Variants in DCAF5 observed in about 807,000 individuals in gnomAD.
The protein encoded by DCAF5 is DDB1 and CUL4 associated factor 5, also known as DDB1- and CUL4-associated factor 5.
Under a neutral mutation model 80.7 loss-of-function variants are expected in DCAF5, and 9 were observed. The observed-to-expected ratio is 0.11, with a 90% CI of 0.07 to 0.19. The LOEUF (loss-of-function observed/expected upper bound fraction) is 0.19. Ranked by LOEUF, DCAF5 falls within the 10% of genes least tolerant of loss-of-function variation. DCAF5 has a pLI of 1.00. For synonymous variants in DCAF5, 433 were observed against 461.9 expected (o/e 0.94, Z 0.80); for missense variants, 842 against 1,205.7 (o/e 0.70, Z 4.47).
intron 5 of DCAF5, among the ~76,000 whole-genome samples, chr14:69,098,611 C>T (rs973311490): frequency 3.3e-5 from 5 of 151,672 alleles, no homozygotes; most frequent in East Asian, 3.9e-4. Context: ...TGGCCAGGCA[C>T]GGCGGCTCAC....
intron 6 of DCAF5, among the ~76,000 whole-genome samples, chr14:69,088,981 T>C (rs2039437354): frequency 3.7e-5 from 1 of 27,220 alleles, no homozygotes; most frequent in South Asian, 1.2e-3. Flanking sequence ...TAAGTCTGAC[T>C]TCTTGTGCAC....
intron 6 of DCAF5, among the ~76,000 whole-genome samples, chr14:69,077,902 A>T (rs1198854062): frequency 6.6e-6 from 1 of 152,236 alleles, no homozygotes; most frequent in Non-Finnish European, 1.5e-5. Flanking sequence ...TATAGGGATT[A>T]GGTAATCAGG....
At chr14:69,128,017 A>T (rs1033695406) in intron 1 of DCAF5, among the ~76,000 whole-genome samples, 2 of 152,156 alleles carry the variant, frequency 1.3e-5, no homozygotes, top group Non-Finnish European at 2.9e-5. Context: ...AAAGAAAAAA[A>T]TCCTTATCAA....
chr14:69,105,943 A>ATATATCTATCTATCTATCTATCTATC (rs1223858774), intron 5 of DCAF5, among the ~76,000 whole-genome samples: 1 of 74,172 alleles, frequency 1.3e-5, no homozygotes, highest in African/African-American at 3.8e-5. Flanking sequence ...ATATATATAT[A>ATATATCTATCTATCTATCTATCTATC]TATCTCCTAT....
rs184975033 is a variant in DCAF5 at position 69,084,447 on chromosome 14, G to A, written c.879+7227C>T. On this transcript the variant is annotated intron_variant, in intron 6 of 8. Transcript: ENST00000341516. ...CAAATTATTAAACTTTTGCCAACAC[G>A]TAGACAGACGATGCTCTTTTCTGCC... 228 of 839,988 alleles carry A rather than the reference G, an allele frequency of 2.7e-4. 3 individuals are homozygous for A. The Admixed American group carries it at 3.8e-3, about 14-fold the overall frequency. The allele number at this position is 839,988 out of a possible 1,614,324, so 52.0% of individuals were successfully genotyped here.
At position 69,136,403 on chromosome 14, in the gene DCAF5, A is replaced by G. The variant is rs895794959; in HGVS notation, c.215-14043T>C. ...AGTGCTAGGATTACAGGCATGAGCC[A>G]CAGCACCCAGCCTATAATTTTCTTT... is the stretch of plus-strand genomic sequence containing the variant. On this transcript the variant is annotated intron_variant, in intron 1 of 8. Transcript: ENST00000341516. Among the ~76,000 whole-genome samples the G allele has an allele frequency of 2.6e-5, 4 of 152,168 alleles. No homozygotes were observed. In the East Asian group the frequency reaches 7.7e-4, roughly 29 times the overall value.
chr14:69,102,591 GACACACACAC>G (rs143602483), intron 5 of DCAF5, among the ~76,000 whole-genome samples: 6 of 124,880 alleles, frequency 4.8e-5, no homozygotes, highest in Non-Finnish European at 8.2e-5. Context: ...TAAAAACAAA[GACACACACAC>G]ACACACACAC....
At chr14:69,097,039 A>C (rs1162800438) in intron 5 of DCAF5, among the ~76,000 whole-genome samples, 1 of 152,190 alleles carries the variant, frequency 6.6e-6, no homozygotes, top group Non-Finnish European at 1.5e-5. Flanking sequence ...CTCTGATGGC[A>C]AGACAAGAAG....
rs2037868223 is a variant in DCAF5 at position 69,054,323 on chromosome 14, C to T, written c.2363G>A (p.Arg788Gln). The change falls in exon 9 of 9, where the codon CGG (arginine) becomes CAG (glutamine). Residue 788 changes from arginine to glutamine, a missense_variant. Arg to Gln is a conservative substitution (Grantham distance 43, BLOSUM62 1). This residue lies in a region of DCAF5 where 607 missense variants were observed against 656.6 expected (regional missense o/e 0.92). Transcript: ENST00000341516. ...AGGAGGAGAAGGCGGCTCCTCAGCCCGACTGCTCAGGGCCTTTCCATTGAG... is the reference window on the plus strand; with the variant it reads ...AGGAGGAGAAGGCGGCTCCTCAGCCTGACTGCTCAGGGCCTTTCCATTGAG... ...KKLNGKALSS[R>Q]AEEPPSPPVP... 2 of 1,614,186 alleles carry T rather than the reference C, an allele frequency of 1.2e-6. No individual in the cohort carries two copies. The highest frequency in any genetic ancestry group is 1.7e-6 in the Non-Finnish European group (2 of 1,180,038).
At chr14:69,137,200 G>A (rs1269397988) in intron 1 of DCAF5, among the ~76,000 whole-genome samples, 4 of 152,120 alleles carry the variant, frequency 2.6e-5, no homozygotes, top group South Asian at 2.1e-4. Context: ...TTAGTGACAC[G>A]TCAAAGAATA....
At chr14:69,131,621 A>G (rs1011141778) in intron 1 of DCAF5, among the ~76,000 whole-genome samples, 1 of 152,180 alleles carries the variant, frequency 6.6e-6, no homozygotes, top group African/African-American at 2.4e-5. Context: ...TGACTTGCTA[A>G]TAATCCAAAG....
chr14:69,134,160 C>T (rs578167475), intron 1 of DCAF5, among the ~76,000 whole-genome samples: 28 of 152,126 alleles, frequency 1.8e-4, no homozygotes, highest in Non-Finnish European at 3.5e-4. Context: ...GAGCACACTG[C>T]CAGTTACAGG....
In DCAF5 at chr14:69,152,983, G is replaced by T; in HGVS notation, c.-5C>A. On this transcript the variant is annotated 5_prime_UTR_variant, in exon 1 of 9. Transcript: ENST00000341516. This position sits in a 1 kb window ranked among gnomAD's most constrained non-coding sequence, Gnocchi z 4.1. ...CAGGCCAGCTCTCCTCTTCATGCTG[G>T]AACCGCCGCCGCCGCCGCTCGCGCC... The T allele has an allele frequency of 2.6e-6, 4 of 1,562,032 alleles. No homozygotes were observed. Among genetic ancestry groups the T allele is most frequent in the Non-Finnish European group, 3.5e-6 (4 of 1,158,830 alleles).
intron 5 of DCAF5, among the ~76,000 whole-genome samples, chr14:69,106,706 T>C (rs1595009616): frequency 6.6e-6 from 1 of 151,968 alleles, no homozygotes; most frequent in Non-Finnish European, 1.5e-5. Context: ...AGTCTTACCA[T>C]AAAAATTTTT....
At chr14:69,127,284 AGAC>A (rs1339836042) in intron 1 of DCAF5, among the ~76,000 whole-genome samples, 1 of 152,244 alleles carries the variant, frequency 6.6e-6, no homozygotes, top group Non-Finnish European at 1.5e-5. Flanking sequence ...TAGTACAACC[AGAC>A]AACAGAAACT....
chr14:69,144,480 G>A (rs1435412385), intron 1 of DCAF5, among the ~76,000 whole-genome samples: 1 of 151,990 alleles, frequency 6.6e-6, no homozygotes, highest in East Asian at 1.9e-4. Context: ...GCTGAGGCAG[G>A]AGAATGGCAT....
At position 69,052,465 on chromosome 14, in the gene DCAF5, A is replaced by C. The variant is rs2037792903; in HGVS notation, c.*1392T>G. On this transcript the variant is annotated 3_prime_UTR_variant, in exon 9 of 9. Coordinates refer to ENST00000341516, the MANE Select transcript of DCAF5 (RefSeq NM_003861.3). ...TTCTCTCTCTTCCTCATTTCTTGCC[A>C]GTATTCTGCCTTTTCATAACATTTA... 6.5e-6 allele frequency: 1 copy of C among 152,694 alleles called. No individual in the cohort carries two copies. Among genetic ancestry groups the C allele is most frequent in the Admixed American group, 6.5e-5 (1 of 15,292 alleles). The allele number at this position is 152,694 out of a possible 1,614,324, so 9.5% of individuals were successfully genotyped here. A position where few individuals can be genotyped will look rare whatever the true frequency, so the allele number is the denominator to read the frequency against.
At chr14:69,100,098 CA>C (rs543411422) in intron 5 of DCAF5, among the ~76,000 whole-genome samples, 25 of 152,156 alleles carry the variant, frequency 1.6e-4, no homozygotes, top group African/African-American at 5.8e-4. Flanking sequence ...CAATTATGCT[CA>C]AAAATAGATA....
intron 6 of DCAF5, among the ~76,000 whole-genome samples, chr14:69,082,242 G>A (rs1264384061): frequency 6.6e-6 from 1 of 152,204 alleles, no homozygotes; most frequent in Non-Finnish European, 1.5e-5. Context: ...CTTTGGAAAT[G>A]GGCAAAGCCG....
Sources: gnomAD v4.1 joint callset for allele counts (sites outside exome capture counted in the v4.1 genomes callset) on GRCh38, gnomAD v4.1.1 for gene constraint, gnomAD v4.1.1 regional missense constraint, Gnocchi (gnomAD v3.1) non-coding constraint, MANE v1.5 for transcripts, NCBI Gene and HGNC (gene_info 2026-07-23, HGNC 2026-07-21) for gene names.